The following MTSS2 variants were observed in gnomAD, a reference collection of about 807,000 sequenced individuals.
MTSS2 encodes the protein MTSS I-BAR domain containing 2.
A neutral mutation model predicts 67.1 loss-of-function variants in MTSS2; 27 were observed. The observed-to-expected ratio is 0.40, with a 90% CI of 0.30 to 0.55. The LOEUF is 0.55. Among genes scored for constraint, MTSS2 ranks in the 20% least tolerant of loss-of-function variants. MTSS2 has a pLI of 0.43. For synonymous variants in MTSS2, 624 were observed against 468.6 expected (o/e 1.33, Z -4.28); for missense variants, 1,171 against 1,067.8 (o/e 1.10, Z -1.35).
At chr16:70,685,480 C>T (rs1209216570) in intron 1 of MTSS2, among the ~76,000 whole-genome samples, 1 of 152,024 alleles carries the variant, frequency 6.6e-6, no homozygotes, top group African/African-American at 2.4e-5. Context: ...TGCACAGGCT[C>T]GGGTCAGGAC....
chr16:70,671,101 T>G (rs890003836), intron 11 of MTSS2, among the ~76,000 whole-genome samples: 6 of 151,264 alleles, frequency 4.0e-5, no homozygotes, highest in African/African-American at 1.5e-4. Context: ...TTGTTCTCGG[T>G]GTGTTTAGAA....
chr16:70,677,427 A>T (rs950470187), intron 9 of MTSS2, among the ~76,000 whole-genome samples: 1 of 150,398 alleles, frequency 6.6e-6, no homozygotes, highest in Non-Finnish European at 1.5e-5. Context: ...TGGGGTGGCC[A>T]GGTACGCCTG....
In MTSS2 at chr16:70,679,168, T is replaced by TGCCCCAG. The variant is rs1247777860; in HGVS notation, c.466+140_466+146dup. On this transcript the variant is annotated intron_variant, in intron 7 of 14. Coordinates refer to ENST00000338779, the MANE Select transcript of MTSS2 (RefSeq NM_138383.3). ...GACCCCGGGGGCCCCAGGGGGACTGTGCCCCAGGCCCCTCCCTCGTGGACC... is the reference window on the plus strand; with the variant it reads ...GACCCCGGGGGCCCCAGGGGGACTGTGCCCCAGGCCCCAGGCCCCTCCCTCGTGGACC... 5 of 972,136 alleles carry TGCCCCAG rather than the reference T, an allele frequency of 5.1e-6. No homozygotes were observed. In the African/African-American group the frequency reaches 6.5e-5, roughly 13 times the overall value. 60.2% of individuals were successfully genotyped at this position (972,136 alleles called of 1,614,324 possible). A position where few individuals can be genotyped will look rare whatever the true frequency, so the allele number is the denominator to read the frequency against.
Position 70,663,866 on chromosome 16 carries a change from G to T in MTSS2, c.2055C>A (p.Ala685=). ...GGAACTGGCCCTCACCCAGTGCGTG[G>T]GCACCCGCCACCAGCTCCCCCAGCT... is the stretch of plus-strand genomic sequence containing the variant. ...VEKLGELVAG[A]HALGEGQFPF... is the part of the protein sequence containing the mutation. Residue 685 remains alanine, a synonymous_variant, in exon 15 of 15, where the codon GCC becomes GCA. Coordinates refer to ENST00000338779, the MANE Select transcript of MTSS2 (RefSeq NM_138383.3). 1 of 1,543,346 alleles carries T rather than the reference G, an allele frequency of 6.5e-7. No individual in the cohort carries two copies. The highest frequency in any genetic ancestry group is 8.7e-7 in the Non-Finnish European group (1 of 1,146,790).
At chr16:70,673,464 C>T (rs556212071) in intron 11 of MTSS2, among the ~76,000 whole-genome samples, 31 of 152,026 alleles carry the variant, frequency 2.0e-4, no homozygotes, top group Non-Finnish European at 3.8e-4. Context: ...CCTGGCAAAA[C>T]GAACTTTCAA....
chr16:70,677,046 C>T (rs1270451482), intron 9 of MTSS2, 68 bp from the exon 10 acceptor site: 1 of 1,232,054 alleles, frequency 8.1e-7, no homozygotes, highest in African/African-American at 1.5e-5. Context: ...AGAGGCCCCC[C>T]CCCACTCTCT....
At chr16:70,669,487 A>C (rs553462601) in intron 11 of MTSS2, among the ~76,000 whole-genome samples, 80 of 152,252 alleles carry the variant, frequency 5.3e-4, no homozygotes, top group Non-Finnish European at 9.0e-4. Context: ...GTATGAGGCC[A>C]GCCTGGGCAA....
intron 1 of MTSS2, among the ~76,000 whole-genome samples, chr16:70,683,758 T>C (rs2053372250): frequency 1.3e-5 from 2 of 152,126 alleles, no homozygotes; most frequent in Admixed American, 1.3e-4. Flanking sequence ...CTCCTCAACC[T>C]GGCTGCTGAT....
At chr16:70,670,048 ACTGCCTGAGGTCAGGAGTTTGAGAC>A in intron 11 of MTSS2, among the ~76,000 whole-genome samples, 1 of 152,116 alleles carries the variant, frequency 6.6e-6, no homozygotes, top group East Asian at 1.9e-4. Context: ...AGGGGGGTGG[ACTGCCTGAGGTCAGGAGTTTGAGAC>A]CTGCCTGGCC....
chr16:70,678,411 T>A lies in MTSS2; in HGVS notation c.467-2A>T. ...GCTGGGGCTGCAGGTCTCCTTTCCC[T>A]GGAGGGGTGGGGAGGAGAGGCCTTG... On this transcript the variant is annotated splice_acceptor_variant, in intron 7 of 14. Coordinates refer to ENST00000338779, the MANE Select transcript of MTSS2 (RefSeq NM_138383.3). LOFTEE classifies it high-confidence loss of function. The A allele has an allele frequency of 1.9e-6, 3 of 1,608,240 alleles. No homozygotes were observed. Among genetic ancestry groups the A allele is most frequent in the Non-Finnish European group, 2.5e-6 (3 of 1,177,426 alleles).
In MTSS2 at chr16:70,678,378, ACTGTCCAGCTGGGG is replaced by A; in HGVS notation, c.484_497del (p.Pro162CysfsTer117). On this transcript the variant is annotated frameshift_variant, in exon 8 of 15. Transcript: ENST00000338779. LOFTEE classifies it high-confidence loss of function. ...ACATGTCGTTGACGTCCTGCAGGGC[ACTGTCCAGCTGGGG>A]CTGCAGGTCTCCTTTCCCTGGAGGG... The A allele has an allele frequency of 6.2e-7, 1 of 1,612,684 alleles. No homozygotes were observed. The highest frequency in any genetic ancestry group is 8.5e-7 in the Non-Finnish European group (1 of 1,179,862).
chr16:70,685,718 GT>G lies in MTSS2; in HGVS notation c.69+4del. 7.4e-7 allele frequency: 1 copy of G among 1,342,638 alleles called. No individual in the cohort carries two copies. Among genetic ancestry groups the G allele is most frequent in the South Asian group, 1.5e-5 (1 of 66,716 alleles). The allele number at this position is 1,342,638 out of a possible 1,614,324, so 83.2% of individuals were successfully genotyped here. A position where few individuals can be genotyped will look rare whatever the true frequency, so the allele number is the denominator to read the frequency against. On this transcript the variant is annotated splice_donor_region_variant and intron_variant, in intron 1 of 14. Transcript: ENST00000338779. ...GCGCGCCCGGCCCCGCCGCGCCCCG[GT>G]TACCTTCATGTCGTTGACTATGGCC...
At position 70,665,098 on chromosome 16, in the gene MTSS2, T is replaced by C; in HGVS notation, c.1129-2A>G. 2 of 1,591,462 alleles carry C rather than the reference T, an allele frequency of 1.3e-6. No homozygotes were observed. The highest frequency in any genetic ancestry group is 1.7e-6 in the Non-Finnish European group (2 of 1,176,350). ...ATGGGAGCCGACCTTGGACCAGTCC[T>C]GCAGGGAGGGTGTGGCAGGTCAGGG... On this transcript the variant is annotated splice_acceptor_variant, in intron 12 of 14. Coordinates refer to ENST00000338779, the MANE Select transcript of MTSS2 (RefSeq NM_138383.3). LOFTEE classifies it high-confidence loss of function.
chr16:70,666,166 C>A (rs1217391936), intron 11 of MTSS2, among the ~76,000 whole-genome samples: 1 of 152,080 alleles, frequency 6.6e-6, no homozygotes, highest in Admixed American at 6.6e-5. Context: ...AGAGGAGAGT[C>A]CCGTAAAGGA....
intron 1 of MTSS2, among the ~76,000 whole-genome samples, chr16:70,685,364 G>A (rs986478299): frequency 6.6e-6 from 1 of 152,210 alleles, no homozygotes; most frequent in Non-Finnish European, 1.5e-5. Flanking sequence ...TGGTGGAAGG[G>A]GGCGGAGGCC....
At chr16:70,679,898 C>T (rs1597824887) in intron 4 of MTSS2, 21 bp from the exon 5 acceptor site, 1 of 1,580,352 alleles carries the variant, frequency 6.3e-7, no homozygotes, top group South Asian at 1.1e-5. Flanking sequence ...CGGGCGGGAG[C>T]GCAGGTCAGG....
chr16:70,676,844 C>A (rs777772556), intron 10 of MTSS2, 37 bp downstream of exon 10: 26 of 1,576,868 alleles, frequency 1.6e-5, no homozygotes, highest in Non-Finnish European at 2.3e-5. Flanking sequence ...CTTGGGATAC[C>A]GCCCCCCACA....
chr16:70,679,198 G>C, intron 7 of MTSS2, 117 bp downstream of exon 7: 7 of 1,355,892 alleles, frequency 5.2e-6, no homozygotes, highest in Non-Finnish European at 7.3e-6. Flanking sequence ...TGGACCGACC[G>C]CCTTCCTCGC....
chr16:70,680,742 C>A, intron 3 of MTSS2, 52 bp downstream of exon 3: 2 of 1,501,730 alleles, frequency 1.3e-6, no homozygotes, highest in Admixed American at 2.0e-5. Flanking sequence ...TCCTTTCCAG[C>A]CTCCAGGCCC....
Sources: gnomAD v4.1 joint callset for allele counts (sites outside exome capture counted in the v4.1 genomes callset) on GRCh38, gnomAD v4.1.1 for gene constraint, MANE v1.5 for transcripts, NCBI Gene and HGNC (gene_info 2026-07-23, HGNC 2026-07-21) for gene names.